The following RBFOX1 variants were observed in gnomAD, a reference collection of about 807,000 sequenced individuals.
RBFOX1 encodes RNA binding fox-1 homolog 1.
RBFOX1 carries 8 observed loss-of-function variants against 57.7 expected under a neutral mutation model. The observed-to-expected ratio is 0.14, with a 90% CI of 0.08 to 0.25. The LOEUF (loss-of-function observed/expected upper bound fraction) is 0.25. RBFOX1 is among the 10% of genes least tolerant of loss of function. RBFOX1 has a pLI of 1.00. For synonymous variants in RBFOX1, 326 were observed against 222.4 expected, an observed-to-expected ratio of 1.47 and a Z score of -4.15; for missense variants, 611 against 548.5, an observed-to-expected ratio of 1.11 and a Z score of -1.14.
chr16:7,243,294 G>A (rs1002898132), intron 4 of RBFOX1, among the ~76,000 whole-genome samples: 55 of 152,190 alleles, frequency 3.6e-4, no homozygotes, highest in Non-Finnish European at 4.1e-4. Context: ...GGTGTGCCAC[G>A]TGACAGCTGT....
At chr16:5,332,318 A>C (rs1471791338) in intron 1 of RBFOX1, among the ~76,000 whole-genome samples, 2 of 152,072 alleles carry the variant, frequency 1.3e-5, no homozygotes, top group Non-Finnish European at 2.9e-5. Context: ...CCCAGGCTGG[A>C]GTGCAGTGGT....
intron 3 of RBFOX1, among the ~76,000 whole-genome samples, chr16:6,808,691 A>T (rs989508011): frequency 6.6e-6 from 1 of 152,176 alleles, no homozygotes; most frequent in African/African-American, 2.4e-5. Context: ...AGTGAAGAGT[A>T]ATGCTTCCTC....
chr16:5,257,071 C>A (rs534078679), intron 1 of RBFOX1, among the ~76,000 whole-genome samples: 1 of 152,166 alleles, frequency 6.6e-6, no homozygotes, highest in East Asian at 1.9e-4. Flanking sequence ...GGACTCCAGA[C>A]TCTGGTCTCC....
chr16:5,736,866 C>T (rs1220152564), intron 3 of RBFOX1, among the ~76,000 whole-genome samples: 2 of 142,096 alleles, frequency 1.4e-5, no homozygotes, highest in Admixed American at 1.4e-4. Flanking sequence ...CTTCTCTTTC[C>T]CTCCCTTCTT....
chr16:7,011,129 T>A (rs2093634178), intron 3 of RBFOX1, among the ~76,000 whole-genome samples: 1 of 152,124 alleles, frequency 6.6e-6, no homozygotes, highest in African/African-American at 2.4e-5. Context: ...TCAGGCTGTG[T>A]CTTACATAGT....
At chr16:6,667,847 C>T (rs768112065) in intron 3 of RBFOX1, among the ~76,000 whole-genome samples, 4 of 151,914 alleles carry the variant, frequency 2.6e-5, no homozygotes, top group Non-Finnish European at 4.4e-5. Context: ...TATAGTCGTA[C>T]CACCACACTC....
chr16:5,749,974 G>A (rs2053132240), intron 3 of RBFOX1, among the ~76,000 whole-genome samples: 2 of 152,144 alleles, frequency 1.3e-5, no homozygotes, highest in African/African-American at 4.8e-5. Context: ...TTTCTGCTCT[G>A]TTTTTTCCCC....
At position 7,529,135 on chromosome 16, in the gene RBFOX1, C is replaced by T. The variant is rs560779409; in HGVS notation, c.270+10746C>T. On this transcript the variant is annotated intron_variant, in intron 5 of 15. Transcript: ENST00000550418. ...AATTAGCCAGGCGTGGTGGCGGGCA[C>T]TTGTCATCCCCACTGCTCGGGAGGC... Among the ~76,000 whole-genome samples, 32 of 152,238 alleles carry T rather than the reference C, an allele frequency of 2.1e-4. 1 individual carries two copies. The highest frequency in any genetic ancestry group is 6.7e-4 in the African/African-American group (28 of 41,554).
chr16:7,605,907 T>C (rs1466544633), intron 9 of RBFOX1, among the ~76,000 whole-genome samples: 2 of 152,136 alleles, frequency 1.3e-5, no homozygotes, highest in Non-Finnish European at 2.9e-5. Flanking sequence ...GGCACCATCT[T>C]GGCTCACTGC....
chr16:6,565,756 C>G (rs1411518075), intron 2 of RBFOX1, among the ~76,000 whole-genome samples: 2 of 152,216 alleles, frequency 1.3e-5, no homozygotes, highest in Non-Finnish European at 2.9e-5. Context: ...GTGTGAGTCA[C>G]TGCACCCAGC....
chr16:7,476,422 G>A (rs144668851), intron 4 of RBFOX1, among the ~76,000 whole-genome samples: 1 of 152,292 alleles, frequency 6.6e-6, no homozygotes, highest in Non-Finnish European at 1.5e-5. Context: ...TTTGAAAAAT[G>A]CCTGACACGT....
chr16:7,249,046 AG>A (rs539391149), intron 4 of RBFOX1, among the ~76,000 whole-genome samples: 1 of 152,044 alleles, frequency 6.6e-6, no homozygotes, highest in Non-Finnish European at 1.5e-5. Context: ...TGCATAATAG[AG>A]GGAGGGAAAA....
intron 3 of RBFOX1, among the ~76,000 whole-genome samples, chr16:5,690,790 C>G (rs936623779): frequency 4.6e-5 from 7 of 152,260 alleles, no homozygotes; most frequent in African/African-American, 1.7e-4. Flanking sequence ...GGATTTGAAA[C>G]CTGACCATGC....
Position 7,709,080 on chromosome 16 carries a change from C to G in RBFOX1, c.1020C>G (p.Asp340Glu). 1 of 1,613,902 alleles carries G rather than the reference C, an allele frequency of 6.2e-7. No individual in the cohort carries two copies. The highest frequency in any genetic ancestry group is 8.5e-7 in the Non-Finnish European group (1 of 1,179,898). ...GTTACGGACGAGTTTATGCTGCCGA[C>G]CCCTACCACCACGCACTTGCTCCAG... ...SDSYGRVYAA[D>E]PYHHALAPAP... is the part of the protein sequence containing the mutation. The change falls in exon 15 of 16, where the codon GAC becomes GAG. Residue 340 changes from aspartate to glutamate, a missense_variant. Asp to Glu is a conservative substitution (Grantham distance 45). Around this residue, in one of 3 missense-constraint regions of RBFOX1, gnomAD observed 267 missense variants for 229.1 expected, o/e 1.17. Coordinates refer to ENST00000550418, the MANE Select transcript of RBFOX1 (RefSeq NM_018723.4).
intron 4 of RBFOX1, among the ~76,000 whole-genome samples, chr16:7,450,997 G>C (rs539024482): frequency 6.6e-6 from 1 of 152,306 alleles, no homozygotes; most frequent in South Asian, 2.1e-4. Context: ...TCACTGTTCT[G>C]ATTAGATAAG....
At chr16:5,473,670 G>A (rs2069217220) in intron 2 of RBFOX1, among the ~76,000 whole-genome samples, 1 of 128,064 alleles carries the variant, frequency 7.8e-6, no homozygotes, top group South Asian at 2.9e-4. Context: ...AGGAAGGAAG[G>A]ATGGGTGGGT....
At chr16:5,684,447 G>A (rs1339440728) in intron 3 of RBFOX1, among the ~76,000 whole-genome samples, 2 of 152,096 alleles carry the variant, frequency 1.3e-5, no homozygotes, top group South Asian at 2.1e-4. Context: ...CAACTCCCAC[G>A]TGGCACCAGC....
chr16:6,999,423 C>G (rs892871599), intron 3 of RBFOX1, among the ~76,000 whole-genome samples: 2 of 150,686 alleles, frequency 1.3e-5, no homozygotes, highest in East Asian at 3.9e-4. Flanking sequence ...TAAACTCATT[C>G]TGATTTTTTT....
At chr16:5,927,697 A>G (rs1244319167) in intron 4 of RBFOX1, among the ~76,000 whole-genome samples, 2 of 152,242 alleles carry the variant, frequency 1.3e-5, no homozygotes, top group South Asian at 4.1e-4. Flanking sequence ...GAATCAGTGT[A>G]AGTGTCCTGC....
Sources: gnomAD v4.1 joint callset for allele counts (sites outside exome capture counted in the v4.1 genomes callset) on GRCh38, gnomAD v4.1.1 for gene constraint, gnomAD v4.1.1 regional missense constraint, MANE v1.5 for transcripts, NCBI Gene and HGNC (gene_info 2026-07-23, HGNC 2026-07-21) for gene names.